Variants in MID1 observed in about 807,000 individuals in gnomAD.
MID1 encodes the protein midline 1, also known as E3 ubiquitin-protein ligase Midline-1.
MID1 carries 7 observed loss-of-function variants against 40.4 expected under a neutral mutation model. That is an observed-to-expected ratio of 0.17 (90% CI 0.10 to 0.33). MID1 has a LOEUF of 0.33. Among genes scored for constraint, MID1 ranks in the 10% least tolerant of loss-of-function variants. The pLI, the probability that MID1 is intolerant of heterozygous loss-of-function variation, is 1.00. For synonymous variants in MID1, 229 were observed against 221.2 expected (o/e 1.04, Z -0.31); for missense variants, 367 against 558.5 (o/e 0.66, Z 3.46).
chrX:10,718,742 A>G (rs1262613696), intron 1 of MID1, among the ~76,000 whole-genome samples: 1 of 111,588 alleles, frequency 9.0e-6, no homozygotes, highest in Non-Finnish European at 1.9e-5. Context: ...GAGACACAAC[A>G]AAAAAAGAGA....
At chrX:10,815,649 T>C (rs1393413627) in intron 1 of MID1, among the ~76,000 whole-genome samples, 10 of 112,656 alleles carry the variant, frequency 8.9e-5, no homozygotes, top group Non-Finnish European at 1.9e-4. Context: ...CCTAAAGCTC[T>C]GTGACACTTT....
At chrX:10,481,465 A>T (rs1472321966) in intron 5 of MID1, among the ~76,000 whole-genome samples, 6 of 111,906 alleles carry the variant, frequency 5.4e-5, no homozygotes, top group Non-Finnish European at 1.1e-4. Flanking sequence ...TTGGAGAAAG[A>T]GTCTCGCTCT....
chrX:10,589,120 C>A (rs773020439), intron 1 of MID1, among the ~76,000 whole-genome samples: 1 of 111,773 alleles, frequency 8.9e-6, no homozygotes, highest in Non-Finnish European at 1.9e-5. Context: ...CAGTTTACAC[C>A]AAACCAGAAT....
At chrX:10,658,649 T>C (rs2147581138) in intron 1 of MID1, among the ~76,000 whole-genome samples, 1 of 109,729 alleles carries the variant, frequency 9.1e-6, no homozygotes, top group Admixed American at 9.8e-5. Context: ...ACTCGAAGTT[T>C]CTGCAATGAA....
At chrX:10,544,592 C>G (rs1933609359) in intron 2 of MID1, among the ~76,000 whole-genome samples, 1 of 112,337 alleles carries the variant, frequency 8.9e-6, no homozygotes, top group Admixed American at 9.4e-5. Flanking sequence ...ATATAGCTCA[C>G]TCTAAATAAA....
At chrX:10,832,991 T>C (rs1205424941) in intron 1 of MID1, among the ~76,000 whole-genome samples, 1 of 112,839 alleles carries the variant, frequency 8.9e-6, no homozygotes, top group Non-Finnish European at 1.9e-5. Context: ...AGAGCGAGTT[T>C]CTTTACATTG....
At chrX:10,566,532 C>CCTCTCTCTCTCT (rs773613255) in intron 2 of MID1, among the ~76,000 whole-genome samples, 27 of 52,831 alleles carry the variant, frequency 5.1e-4, no homozygotes, top group African/African-American at 1.5e-3. Context: ...CCTCTCTCTC[C>CCTCTCTCTCTCT]CTCTCTCTCT....
intron 9 of MID1, among the ~76,000 whole-genome samples, chrX:10,452,954 A>G (rs1928437319): frequency 8.9e-6 from 1 of 112,125 alleles, no homozygotes; most frequent in African/African-American, 3.2e-5. Context: ...CCTGGATTCT[A>G]TCCCAGATTA....
chrX:10,730,549 T>C lies in MID1; in HGVS notation c.-187+103005A>G, dbSNP rs941500930. On this transcript the variant is annotated intron_variant, in intron 1 of 10. Coordinates refer to the MID1 transcript ENST00000380785. ...CTCAAATCGTACCGCAACTAACCTTTCAGATCAGATACATCTTTTTTTTTT... is the reference window on the plus strand; with the variant it reads ...CTCAAATCGTACCGCAACTAACCTTCCAGATCAGATACATCTTTTTTTTTT... 2.8e-5 allele frequency among the ~76,000 whole-genome samples: 3 copies of C among 107,811 alleles called. No homozygotes were observed. The Admixed American group carries it at 3.0e-4, about 11-fold the overall frequency. The allele number at this position is 107,811 out of a possible 115,157, so 93.6% of individuals were successfully genotyped here. A position where few individuals can be genotyped will look rare whatever the true frequency, so the allele number is the denominator to read the frequency against.
rs1326941261 is a variant in MID1 at position 10,716,315 on chromosome X, C to T, written c.-186-95896G>A. 3.6e-5 allele frequency among the ~76,000 whole-genome samples: 4 copies of T among 111,403 alleles called. No individual in the cohort carries two copies. In the Admixed American group the frequency reaches 3.8e-4, roughly 11 times the overall value. On this transcript the variant is annotated intron_variant, in intron 1 of 10. Transcript: ENST00000380785. ...CCTTGAAAAAAGATTAGACGAATGG[C>T]TGACTAGAATAACCAATGCAGAGAA...
chrX:10,627,767 G>A (rs1475318691), intron 1 of MID1, among the ~76,000 whole-genome samples: 1 of 111,663 alleles, frequency 9.0e-6, no homozygotes, highest in Non-Finnish European at 1.9e-5. Context: ...CTCTTTTTTT[G>A]TATGTTAGAA....
chrX:10,708,124 CA>C (rs2043243594), intron 1 of MID1, among the ~76,000 whole-genome samples: 1 of 112,452 alleles, frequency 8.9e-6, no homozygotes, highest in Non-Finnish European at 1.9e-5. Context: ...ATTATCTGGT[CA>C]TTTTCCTGAT....
intron 1 of MID1, among the ~76,000 whole-genome samples, chrX:10,612,946 A>T (rs1935759065): frequency 8.9e-6 from 1 of 112,076 alleles, no homozygotes; most frequent in Non-Finnish European, 1.9e-5. Flanking sequence ...CTAAACTTTA[A>T]CCAGTATTCT....
chrX:10,777,922 T>C (rs920398722), intron 1 of MID1, among the ~76,000 whole-genome samples: 5 of 111,940 alleles, frequency 4.5e-5, no homozygotes, highest in African/African-American at 1.3e-4. Flanking sequence ...TTACATCTTG[T>C]TCTGCTGGAA....
intron 1 of MID1, among the ~76,000 whole-genome samples, chrX:10,719,173 C>G (rs1204159650): frequency 9.0e-6 from 1 of 111,122 alleles, no homozygotes; most frequent in Non-Finnish European, 1.9e-5. Flanking sequence ...TCCTATTCAA[C>G]ATAGTGTTGG....
chrX:10,818,666 T>C (rs1472422560), intron 1 of MID1, among the ~76,000 whole-genome samples: 1 of 111,818 alleles, frequency 8.9e-6, no homozygotes, highest in African/African-American at 3.3e-5. Flanking sequence ...TCCTTCAGAG[T>C]GACAGTTCCA....
At chrX:10,777,354 T>C (rs973575785) in intron 1 of MID1, among the ~76,000 whole-genome samples, 15 of 82,638 alleles carry the variant, frequency 1.8e-4, no homozygotes, top group African/African-American at 3.7e-4. Flanking sequence ...CCCGCCACCA[T>C]GCCCGGCTAA....
At chrX:10,802,238 T>C (rs1292236623) in intron 1 of MID1, among the ~76,000 whole-genome samples, 1 of 109,890 alleles carries the variant, frequency 9.1e-6, no homozygotes, top group South Asian at 3.8e-4. Context: ...ATCAACCGAG[T>C]AAACAAACTT....
intron 5 of MID1, among the ~76,000 whole-genome samples, chrX:10,480,161 C>T (rs1930237539): frequency 8.9e-6 from 1 of 112,162 alleles, no homozygotes; most frequent in African/African-American, 3.2e-5. Context: ...TTTTTACAGG[C>T]TCTGTGAATT....
Sources: gnomAD v4.1 joint callset for allele counts (sites outside exome capture counted in the v4.1 genomes callset) on GRCh38, gnomAD v4.1.1 for gene constraint, MANE v1.5 for transcripts, NCBI Gene and HGNC (gene_info 2026-07-23, HGNC 2026-07-21) for gene names.